Variants in TNS3 observed in about 807,000 individuals in gnomAD.
The protein encoded by TNS3 is tensin-3.
TNS3 carries 45 observed loss-of-function variants against 140.9 expected under a neutral mutation model. That is an observed-to-expected ratio of 0.32 (90% CI 0.25 to 0.41). The LOEUF is 0.41. Ranked by LOEUF, TNS3 falls within the 10% of genes least tolerant of loss-of-function variation. TNS3 has a pLI of 1.00. For missense variants in TNS3, 1,716 were observed against 1,906.7 expected (o/e 0.90, Z 1.86); for synonymous variants, 815 against 788.4 (o/e 1.03, Z -0.56).
chr7:47,524,779 G>C (rs1024265757), intron 2 of TNS3, among the ~76,000 whole-genome samples: 1 of 131,994 alleles, frequency 7.6e-6, no homozygotes, highest in East Asian at 2.2e-4. Context: ...TCCGCAGTCC[G>C]GCCTGGGCGA....
At chr7:47,416,347 A>T (rs1347375368) in intron 10 of TNS3, among the ~76,000 whole-genome samples, 1 of 152,214 alleles carries the variant, frequency 6.6e-6, no homozygotes, top group African/African-American at 2.4e-5. Flanking sequence ...CTGGCAATTC[A>T]CACCCAGTCC....
At position 47,476,548 on chromosome 7, in the gene TNS3, A is replaced by G. The variant is rs1204120324; in HGVS notation, c.-76+4555T>C. 7.9e-5 allele frequency among the ~76,000 whole-genome samples: 12 copies of G among 152,200 alleles called. 1 individual carries two copies. The highest frequency in any genetic ancestry group is 7.9e-4 in the Admixed American group (12 of 15,280). On this transcript the variant is annotated intron_variant, in intron 4 of 30. Transcript: ENST00000311160. The stretch of plus-strand genomic sequence containing the variant: ...AGAAAGACACCAATTGTCCCTTTAT[A>G]GTTCTAAAAGCCAGAGGTCCCAATG...
chr7:47,522,083 C>G (rs888448288), intron 2 of TNS3, among the ~76,000 whole-genome samples: 2 of 152,194 alleles, frequency 1.3e-5, no homozygotes, highest in Non-Finnish European at 2.9e-5. Context: ...CAGGGGCTCT[C>G]CCATTCAGTG....
chr7:47,526,449 C>A (rs1028338578), intron 2 of TNS3, among the ~76,000 whole-genome samples: 1 of 152,224 alleles, frequency 6.6e-6, no homozygotes, highest in Non-Finnish European at 1.5e-5. Context: ...AGCAACAAAC[C>A]TAAGTACCAC....
intron 1 of TNS3, among the ~76,000 whole-genome samples, chr7:47,564,635 C>CAAAAAAAAAAAA (rs749603752): frequency 5.3e-4 from 16 of 30,180 alleles, no homozygotes; most frequent in South Asian, 2.1e-3. Context: ...GACTCCGTCT[C>CAAAAAAAAAAAA]AAAAAAAAAA....
chr7:47,533,510 A>T (rs1363418376), intron 1 of TNS3, among the ~76,000 whole-genome samples: 1 of 151,708 alleles, frequency 6.6e-6, no homozygotes, highest in Non-Finnish European at 1.5e-5. Flanking sequence ...GAGTGGCTAT[A>T]TCAGACAAAG....
At chr7:47,397,175 C>T (rs1028387850) in intron 15 of TNS3, among the ~76,000 whole-genome samples, 1 of 152,156 alleles carries the variant, frequency 6.6e-6, no homozygotes, top group African/African-American at 2.4e-5. Context: ...TTCTGCAAAA[C>T]GAGTCTTCAG....
chr7:47,407,731 G>A lies in TNS3; in HGVS notation c.723+3996C>T, dbSNP rs1338635497. ...GCTGGGCCCGAATGAATGATAACTG[G>A]TGTCCTTGTAAGAAGAGATGAGGAC... On this transcript the variant is annotated intron_variant, in intron 13 of 30. Coordinates refer to ENST00000311160, the MANE Select transcript of TNS3 (RefSeq NM_022748.12). This position sits in a 1 kb window ranked among gnomAD's most constrained non-coding sequence, Gnocchi z 4.1. Among the ~76,000 whole-genome samples the A allele has an allele frequency of 1.3e-5, 2 of 152,138 alleles. No individual in the cohort carries two copies. The highest frequency in any genetic ancestry group is 4.8e-5 in the African/African-American group (2 of 41,428).
At position 47,506,948 on chromosome 7, in the gene TNS3, G is replaced by GA. The variant is rs145443395; in HGVS notation, c.-152-5_-152-4insT. The GA allele has an allele frequency of 0.035, 33,342 of 964,882 alleles. 142 individuals are homozygous for GA. The highest frequency in any genetic ancestry group is 0.074 in the African/African-American group (4,597 of 62,340). 59.8% of individuals were successfully genotyped at this position (964,882 alleles called of 1,614,324 possible). ...TTGTGGCAGGAATACTTGCAGGCTG[G>GA]GAAAAAAAAAAAGAGAAAGAATGTG... is the stretch of plus-strand genomic sequence containing the variant. On this transcript the variant is annotated splice_polypyrimidine_tract_variant and splice_region_variant and intron_variant, in intron 2 of 30. Coordinates refer to ENST00000311160, the MANE Select transcript of TNS3 (RefSeq NM_022748.12).
intron 16 of TNS3, among the ~76,000 whole-genome samples, chr7:47,384,453 C>A (rs1254149126): frequency 1.3e-5 from 2 of 152,226 alleles, no homozygotes; most frequent in African/African-American, 2.4e-5. Context: ...CTCCCTTGGT[C>A]CAGGTTCAAA....
chr7:47,415,795 G>A (rs1794049099), intron 10 of TNS3, among the ~76,000 whole-genome samples: 2 of 152,284 alleles, frequency 1.3e-5, no homozygotes, highest in Admixed American at 6.5e-5. Context: ...CGAAGGCCAT[G>A]TGGGCCATCA....
At chr7:47,382,125 G>A (rs953026826) in intron 16 of TNS3, among the ~76,000 whole-genome samples, 7 of 152,164 alleles carry the variant, frequency 4.6e-5, no homozygotes, top group Non-Finnish European at 7.3e-5. Flanking sequence ...GAAAAGCAAC[G>A]GCCAAGGTAC....
chr7:47,403,330 C>A (rs542500979), intron 13 of TNS3: 1 of 152,240 alleles, frequency 6.6e-6, no homozygotes, highest in Non-Finnish European at 1.5e-5. Context: ...AGATGGGAAT[C>A]GGCCTGTCCC....
intron 16 of TNS3, among the ~76,000 whole-genome samples, chr7:47,379,564 G>A (rs917571408): frequency 5.9e-5 from 9 of 151,512 alleles, no homozygotes; most frequent in African/African-American, 1.2e-4. Context: ...TTCAAGACGC[G>A]ATGAAATGTG....
chr7:47,351,198 T>C (rs941919830), intron 17 of TNS3, among the ~76,000 whole-genome samples: 2 of 152,336 alleles, frequency 1.3e-5, no homozygotes, highest in Non-Finnish European at 2.9e-5. Flanking sequence ...TTTGCATTAG[T>C]ATTAGTTCCT....
intron 27 of TNS3, among the ~76,000 whole-genome samples, chr7:47,288,226 A>G (rs1785519618): frequency 6.6e-6 from 1 of 152,142 alleles, no homozygotes; most frequent in Admixed American, 6.5e-5. Flanking sequence ...TAGATCTACC[A>G]TTCAGGAGCC....
At position 47,529,107 on chromosome 7, in the gene TNS3, T is replaced by G; in HGVS notation, c.-224A>C. On this transcript the variant is annotated 5_prime_UTR_variant, in exon 2 of 31. Coordinates refer to ENST00000311160, the MANE Select transcript of TNS3 (RefSeq NM_022748.12). ...ACACACTTTGGATTTTTTAAAGGCC[T>G]TGTTCTTAAAAGCGTGCAGACTCGA... is the stretch of plus-strand genomic sequence containing the variant. The G allele has an allele frequency of 7.8e-7, 1 of 1,288,880 alleles. No individual in the cohort carries two copies. The highest frequency in any genetic ancestry group is 1.0e-6 in the Non-Finnish European group (1 of 988,678). The allele number at this position is 1,288,880 out of a possible 1,614,324, so 79.8% of individuals were successfully genotyped here. A position where few individuals can be genotyped will look rare whatever the true frequency, so the allele number is the denominator to read the frequency against.
chr7:47,332,939 G>C (rs1176157222), intron 20 of TNS3, among the ~76,000 whole-genome samples: 4 of 152,148 alleles, frequency 2.6e-5, no homozygotes, highest in South Asian at 2.1e-4. Flanking sequence ...AGGAGAGGAG[G>C]GGGTAATGGA....
chr7:47,473,950 G>A (rs985386004), intron 4 of TNS3, among the ~76,000 whole-genome samples: 8 of 152,302 alleles, frequency 5.3e-5, no homozygotes, highest in Non-Finnish European at 8.8e-5. Context: ...ATAGCTTCAT[G>A]AGACTCCATC....
Sources: allele counts gnomAD v4.1 joint callset (sites outside exome capture counted in the v4.1 genomes callset), GRCh38; gene constraint gnomAD v4.1.1; non-coding constraint Gnocchi (gnomAD v3.1); transcripts MANE v1.5; gene names NCBI Gene and HGNC (gene_info 2026-07-23, HGNC 2026-07-21).